Variants in NEK10 observed in about 807,000 individuals in gnomAD.
The protein encoded by NEK10 is NIMA related kinase 10.
A neutral mutation model predicts 159.8 loss-of-function variants in NEK10; 122 were observed. The observed-to-expected ratio is 0.76, with a 90% confidence interval of 0.66 to 0.89. NEK10 has a LOEUF of 0.89. Ranked by LOEUF, NEK10 falls within the 40% of genes least tolerant of loss-of-function variation. The pLI is 0.00. For missense variants in NEK10, 1,342 were observed against 1,323.1 expected (o/e 1.01, Z -0.22); for synonymous variants, 466 against 457.1 (o/e 1.02, Z -0.25).
intron 23 of NEK10, among the ~76,000 whole-genome samples, chr3:27,203,056 C>G (rs1322778314): frequency 3.3e-5 from 5 of 152,170 alleles, no homozygotes; most frequent in African/African-American, 1.2e-4. Context: ...ATTTATCCTT[C>G]TAGGAGCTTC....
At chr3:27,231,860 A>G (rs1953314512) in intron 23 of NEK10, among the ~76,000 whole-genome samples, 1 of 151,888 alleles carries the variant, frequency 6.6e-6, no homozygotes, top group Admixed American at 6.6e-5. Context: ...AACACTGCCA[A>G]CAAAAAGCCA....
chr3:27,177,853 C>T (rs930918238), intron 26 of NEK10, among the ~76,000 whole-genome samples: 2 of 152,142 alleles, frequency 1.3e-5, no homozygotes, highest in African/African-American at 4.8e-5. Context: ...CCAGCAAGTA[C>T]ATTAACCTAT....
At chr3:27,351,803 G>A (rs1336506953) in intron 3 of NEK10, among the ~76,000 whole-genome samples, 1 of 151,988 alleles carries the variant, frequency 6.6e-6, no homozygotes, top group Non-Finnish European at 1.5e-5. Context: ...TGCTAAATAA[G>A]TGTCTGCTAT....
At chr3:27,353,713 C>G (rs1213196528) in intron 1 of NEK10, among the ~76,000 whole-genome samples, 1 of 152,140 alleles carries the variant, frequency 6.6e-6, no homozygotes, top group Non-Finnish European at 1.5e-5. Context: ...CCACCTCTTT[C>G]ATTCAACAAA....
At chr3:27,237,588 G>C (rs1327176122) in intron 23 of NEK10, among the ~76,000 whole-genome samples, 1 of 151,548 alleles carries the variant, frequency 6.6e-6, no homozygotes, top group Non-Finnish European at 1.5e-5. Context: ...ATTATTAGTG[G>C]GAGCTAAACT....
chr3:27,261,723 T>C (rs1445587418), intron 22 of NEK10, among the ~76,000 whole-genome samples: 2 of 152,220 alleles, frequency 1.3e-5, no homozygotes, highest in Non-Finnish European at 2.9e-5. Flanking sequence ...GAGAGTTCTG[T>C]AGATGTCTAT....
rs192063560 is a variant in NEK10 at position 27,245,295 on chromosome 3, T to A, written c.2090+11001A>T. On this transcript the variant is annotated intron_variant, in intron 23 of 35. Transcript: ENST00000691995. ...CGGTGCTGCATTATGATTTGTTGAA[T>A]ATGGCCACAAGTACCATGCACCTGC... is the stretch of plus-strand genomic sequence containing the variant. 1.4e-3 allele frequency among the ~76,000 whole-genome samples: 210 copies of A among 152,310 alleles called. 1 individual carries two copies. The highest frequency in any genetic ancestry group is 6.8e-3 in the Middle Eastern group (2 of 294).
At chr3:27,355,360 C>G (rs1306337787) in intron 1 of NEK10, among the ~76,000 whole-genome samples, 1 of 152,060 alleles carries the variant, frequency 6.6e-6, no homozygotes, top group Non-Finnish European at 1.5e-5. Flanking sequence ...CTCCTAAATT[C>G]ACAAAGTCAC....
intron 5 of NEK10, among the ~76,000 whole-genome samples, chr3:27,332,390 G>A (rs1027943100): frequency 6.6e-6 from 1 of 152,076 alleles, no homozygotes. Context: ...TGAATATATT[G>A]GAAGGATTCA....
chr3:27,113,222 C>T (rs61549803), intron 35 of NEK10, among the ~76,000 whole-genome samples: 18,170 of 151,668 alleles, frequency 0.12, 3,613 homozygotes, highest in African/African-American at 0.42. Flanking sequence ...TCACCTGAGG[C>T]CAGGTCAAGA....
chr3:27,343,297 G>A (rs867377763), intron 5 of NEK10, among the ~76,000 whole-genome samples: 18 of 152,308 alleles, frequency 1.2e-4, no homozygotes, highest in Middle Eastern at 6.8e-3. Flanking sequence ...TAGCTGACTC[G>A]TCATGGAGGA....
chr3:27,194,134 T>G (rs920186631), intron 25 of NEK10: 5 of 151,294 alleles, frequency 3.3e-5, no homozygotes, highest in African/African-American at 1.2e-4. Context: ...TCTTTTTTTT[T>G]TTTTTTTTTG....
chr3:27,157,598 A>C (rs1465118972), intron 30 of NEK10, among the ~76,000 whole-genome samples: 1 of 152,206 alleles, frequency 6.6e-6, no homozygotes, highest in South Asian at 2.1e-4. Flanking sequence ...CCTGGTAAAG[A>C]TGCTATGAAC....
intron 30 of NEK10, among the ~76,000 whole-genome samples, chr3:27,157,060 C>G (rs1381840415): frequency 6.8e-6 from 1 of 146,792 alleles, no homozygotes; most frequent in South Asian, 2.2e-4. Context: ...GACTATTATT[C>G]TAAGTGAAGT....
At chr3:27,169,963 C>G (rs1000548217) in intron 29 of NEK10, among the ~76,000 whole-genome samples, 1 of 152,132 alleles carries the variant, frequency 6.6e-6, no homozygotes, top group African/African-American at 2.4e-5. Context: ...GTTCATTTAT[C>G]CCAGAGTTCC....
At chr3:27,341,051 A>T (rs2047168566) in intron 5 of NEK10, among the ~76,000 whole-genome samples, 1 of 152,324 alleles carries the variant, frequency 6.6e-6, no homozygotes, top group Middle Eastern at 3.4e-3. Flanking sequence ...TTATAGCAAC[A>T]TGGATGGAAC....
intron 26 of NEK10, among the ~76,000 whole-genome samples, chr3:27,175,368 C>G (rs1004010282): frequency 5.3e-5 from 8 of 152,138 alleles, no homozygotes; most frequent in Non-Finnish European, 1.0e-4. Flanking sequence ...GGCTTGAACA[C>G]TCTCTGCAGA....
At chr3:27,290,118 G>A (rs1473912097) in intron 19 of NEK10, among the ~76,000 whole-genome samples, 2 of 152,200 alleles carry the variant, frequency 1.3e-5, no homozygotes, top group Non-Finnish European at 2.9e-5. Flanking sequence ...CTTTCATAAT[G>A]AGAGTTAATT....
intron 31 of NEK10, among the ~76,000 whole-genome samples, chr3:27,132,236 ATAT>A (rs1367803042): frequency 6.6e-6 from 1 of 152,112 alleles, no homozygotes; most frequent in Non-Finnish European, 1.5e-5. Flanking sequence ...TCATTGATTG[ATAT>A]TATTTTTCAT....
Sources: allele counts gnomAD v4.1 joint callset (sites outside exome capture counted in the v4.1 genomes callset), GRCh38; gene constraint gnomAD v4.1.1; transcripts MANE v1.5; gene names NCBI Gene and HGNC (gene_info 2026-07-23, HGNC 2026-07-21).